Variants in ROBO2 observed in about 807,000 individuals in gnomAD.
The protein encoded by ROBO2 is roundabout homolog 2.
Under a neutral mutation model 160.8 loss-of-function variants are expected in ROBO2, and 53 were observed. That is an observed-to-expected ratio of 0.33 (90% CI 0.26 to 0.41). ROBO2 has a LOEUF of 0.41. Ranked by LOEUF, ROBO2 falls within the 10% of genes least tolerant of loss-of-function variation. ROBO2 has a pLI of 1.00. For synonymous variants in ROBO2, 664 were observed against 611.7 expected (o/e 1.09, Z -1.26); for missense variants, 1,577 against 1,722.4 (o/e 0.92, Z 1.49).
chr3:77,588,154 A>G (rs1467104368), intron 16 of ROBO2, among the ~76,000 whole-genome samples: 1 of 152,056 alleles, frequency 6.6e-6, no homozygotes, highest in African/African-American at 2.4e-5. Flanking sequence ...CATCTTTTTC[A>G]TATTTTAATT....
intron 2 of ROBO2, among the ~76,000 whole-genome samples, chr3:77,141,723 G>A (rs1373164016): frequency 5.3e-5 from 8 of 152,180 alleles, no homozygotes; most frequent in Non-Finnish European, 5.9e-5. Flanking sequence ...AAAGTGACAG[G>A]TTTGGGACAA....
At chr3:77,072,654 A>G (rs1328317576) in intron 1 of ROBO2, among the ~76,000 whole-genome samples, 1 of 152,144 alleles carries the variant, frequency 6.6e-6, no homozygotes, top group Non-Finnish European at 1.5e-5. Context: ...ATTTCGAAAC[A>G]TATACACAAT....
exon 1 of ROBO2, chr3:77,040,374 G>A: frequency 9.9e-7 from 1 of 1,005,774 alleles, no homozygotes; most frequent in Non-Finnish European, 1.2e-6. Context: ...CAGCGCGCTG[G>A]CAAGTTTGTG....
chr3:76,350,296 C>T (rs181070060), intron 2 of ROBO2, among the ~76,000 whole-genome samples: 1 of 152,162 alleles, frequency 6.6e-6, no homozygotes, highest in African/African-American at 2.4e-5. Context: ...CATGTTAGAA[C>T]ATTTACATCT....
chr3:77,028,545 G>A (rs1224782494), intron 2 of ROBO2, among the ~76,000 whole-genome samples: 1 of 151,912 alleles, frequency 6.6e-6, no homozygotes, highest in Non-Finnish European at 1.5e-5. Context: ...GTGAAACCCT[G>A]TCTCTAATAA....
chr3:76,610,853 T>C (rs1031065315), intron 2 of ROBO2, among the ~76,000 whole-genome samples: 4 of 152,202 alleles, frequency 2.6e-5, no homozygotes, highest in African/African-American at 9.7e-5. Flanking sequence ...TTACTCTCAC[T>C]GCGCGCCACT....
At chr3:77,017,063 T>C (rs1428091886) in intron 2 of ROBO2, among the ~76,000 whole-genome samples, 1 of 152,334 alleles carries the variant, frequency 6.6e-6, no homozygotes, top group East Asian at 1.9e-4. Flanking sequence ...CTACAGCTCA[T>C]ATGCAAAATA....
At chr3:76,452,277 T>C (rs1208571866) in intron 2 of ROBO2, among the ~76,000 whole-genome samples, 1 of 152,082 alleles carries the variant, frequency 6.6e-6, no homozygotes. Flanking sequence ...GCTGCACCAA[T>C]TAACTCATCA....
At chr3:77,293,397 T>C (rs555439656) in intron 2 of ROBO2, among the ~76,000 whole-genome samples, 5 of 145,428 alleles carry the variant, frequency 3.4e-5, no homozygotes, top group African/African-American at 7.8e-5. Context: ...ACCCCAGACA[T>C]AAAGTAAAAT....
chr3:75,968,081 G>A (rs1041374408), intron 2 of ROBO2, among the ~76,000 whole-genome samples: 1 of 151,538 alleles, frequency 6.6e-6, no homozygotes, highest in African/African-American at 2.4e-5. Flanking sequence ...TTCGAAAATG[G>A]TTGCGATCAA....
In ROBO2 at chr3:77,439,428, A is replaced by T. The variant is rs556518545; in HGVS notation, c.389-37986A>T. On this transcript the variant is annotated intron_variant, in intron 2 of 25. Coordinates refer to ENST00000461745, the Ensembl canonical transcript of ROBO2. Reference sequence around the variant, plus strand: ...CAGTGTATCTGTATTTTATGAAGCTACATGGCTTTGTGGCCTCTTATGATA... The same window carrying T: ...CAGTGTATCTGTATTTTATGAAGCTTCATGGCTTTGTGGCCTCTTATGATA... 2.8e-4 allele frequency among the ~76,000 whole-genome samples: 43 copies of T among 152,104 alleles called. 2 individuals carry two copies. The South Asian group carries it at 8.9e-3, about 32-fold the overall frequency.
chr3:77,223,410 C>T (rs143506749), intron 2 of ROBO2, among the ~76,000 whole-genome samples: 156 of 152,076 alleles, frequency 1.0e-3, no homozygotes, highest in African/African-American at 3.4e-3. Context: ...CTAAAACAGG[C>T]GCAATAAACA....
chr3:75,957,983 A>G (rs1440406402), intron 2 of ROBO2, among the ~76,000 whole-genome samples: 3 of 151,758 alleles, frequency 2.0e-5, no homozygotes, highest in Admixed American at 6.6e-5. Flanking sequence ...TTCCTGTTAG[A>G]AATATAATAA....
chr3:76,517,044 TGAAA>T (rs1394318738), intron 2 of ROBO2, among the ~76,000 whole-genome samples: 1 of 152,214 alleles, frequency 6.6e-6, no homozygotes, highest in Non-Finnish European at 1.5e-5. Context: ...TAGGTAGTTT[TGAAA>T]GAAAAACAGG....
chr3:77,297,825 G>A (rs1035153445), intron 2 of ROBO2, among the ~76,000 whole-genome samples: 2 of 152,144 alleles, frequency 1.3e-5, no homozygotes, highest in Non-Finnish European at 2.9e-5. Flanking sequence ...GAATAGAAAG[G>A]GAAGGAAACA....
Position 77,064,362 on chromosome 3 carries a change from C to CTTTT in ROBO2, c.61+23529_61+23532dup, listed in dbSNP as rs71104649. On this transcript the variant is annotated intron_variant, in intron 1 of 25. Transcript: ENST00000461745. ...AAATAAAATTAATACTTGGATGTAT[C>CTTTT]TTTTTTTTTTTTTTTTGAGACAGAG... Among the ~76,000 whole-genome samples the CTTTT allele has an allele frequency of 1.7e-4, 23 of 138,162 alleles. 1 individual carries two copies. Among genetic ancestry groups the CTTTT allele is most frequent in the Non-Finnish European group, 2.8e-4 (18 of 65,290 alleles). The allele number at this position is 138,162 out of a possible 152,430, so 90.6% of individuals were successfully genotyped here. A position where few individuals can be genotyped will look rare whatever the true frequency, so the allele number is the denominator to read the frequency against.
At chr3:77,320,507 G>C (rs1314479521) in intron 2 of ROBO2, among the ~76,000 whole-genome samples, 1 of 151,820 alleles carries the variant, frequency 6.6e-6, no homozygotes, top group Non-Finnish European at 1.5e-5. Context: ...CTAGAGGGAC[G>C]CAAATTGCAG....
intron 2 of ROBO2, among the ~76,000 whole-genome samples, chr3:77,211,576 T>G (rs1036602488): frequency 3.9e-5 from 6 of 152,224 alleles, no homozygotes; most frequent in African/African-American, 1.4e-4. Flanking sequence ...CTCTTTAGTT[T>G]AATTAGATCC....
intron 2 of ROBO2, among the ~76,000 whole-genome samples, chr3:77,406,438 G>T (rs1178875585): frequency 6.6e-6 from 1 of 152,174 alleles, no homozygotes; most frequent in Non-Finnish European, 1.5e-5. Flanking sequence ...GAAAATGGCA[G>T]AGTCAGAAAT....
Sources: gnomAD v4.1 joint callset for allele counts (sites outside exome capture counted in the v4.1 genomes callset) on GRCh38, gnomAD v4.1.1 for gene constraint, MANE v1.5 for transcripts, NCBI Gene and HGNC (gene_info 2026-07-23, HGNC 2026-07-21) for gene names.